The following NSUN7 variants were observed in gnomAD, a reference collection of about 807,000 sequenced individuals.
NSUN7 encodes NOP2/Sun RNA methyltransferase family member 7, also known as protein NSUN7.
In NSUN7, 39 loss-of-function variants were observed where a neutral mutation model predicts 58.5. That is an observed-to-expected ratio of 0.67 (90% CI 0.52 to 0.87). The LOEUF (loss-of-function observed/expected upper bound fraction) is 0.87. Ranked by LOEUF, NSUN7 falls within the 40% of genes least tolerant of loss-of-function variation. The probability of loss-of-function intolerance (pLI) is 0.00; values close to 1 mark genes in which losing one functional copy is unlikely to be tolerated. For missense variants in NSUN7, 765 were observed against 844.1 expected, an observed-to-expected ratio of 0.91 and a Z score of 1.16; for synonymous variants, 278 against 303.7, an observed-to-expected ratio of 0.92 and a Z score of 0.88.
chr4:40,786,301 G>A, intron 7 of NSUN7: 1 of 1,612,942 alleles, frequency 6.2e-7, no homozygotes. Flanking sequence ...GGTAACCTTG[G>A]GAAATTCTAA....
chr4:40,768,186 G>T (rs1384768001), intron 4 of NSUN7, among the ~76,000 whole-genome samples: 1 of 151,040 alleles, frequency 6.6e-6, no homozygotes, highest in East Asian at 1.9e-4. Flanking sequence ...AGAGGATAAA[G>T]ACTAATTCTT....
At chr4:40,761,347 G>A in intron 4 of NSUN7, 46 bp downstream of exon 4, 3 of 1,482,364 alleles carry the variant, frequency 2.0e-6, no homozygotes, top group Non-Finnish European at 2.8e-6. Flanking sequence ...ACCTACATTG[G>A]TATTGTTATT....
chr4:40,797,911 C>T (rs1743392861), intron 9 of NSUN7, among the ~76,000 whole-genome samples: 1 of 152,218 alleles, frequency 6.6e-6, no homozygotes, highest in Non-Finnish European at 1.5e-5. Flanking sequence ...GGCCCCTTCA[C>T]TTTCCTGGAA....
intron 9 of NSUN7, among the ~76,000 whole-genome samples, chr4:40,795,078 G>GTA (rs1349865099): frequency 2.0e-5 from 3 of 152,100 alleles, no homozygotes; most frequent in African/African-American, 7.2e-5. Flanking sequence ...TATTAATTCC[G>GTA]TATATATTTA....
At chr4:40,752,344 A>G (rs1740875677) in intron 2 of NSUN7, among the ~76,000 whole-genome samples, 1 of 152,200 alleles carries the variant, frequency 6.6e-6, no homozygotes. Context: ...TTGGAGGTGG[A>G]GGTGGGACGA....
At chr4:40,760,692 G>T (rs57108134) in intron 3 of NSUN7, among the ~76,000 whole-genome samples, 200 bp downstream of exon 3, 5,111 of 151,748 alleles carry the variant, frequency 0.034, 286 homozygotes, top group African/African-American at 0.12. Context: ...GAGAAACCTG[G>T]CTCTACTAAA....
chr4:40,772,073 C>A lies in NSUN7; in HGVS notation c.489-2192C>A, dbSNP rs530515655. Among the ~76,000 whole-genome samples the A allele has an allele frequency of 2.2e-4, 34 of 152,214 alleles. No homozygotes were observed. In the South Asian group the frequency reaches 7.0e-3, roughly 32 times the overall value. ...TAATATAGTATCTTTACATAAAAAT[C>A]TGTATAACTGCATGTACACTTTATT... On this transcript the variant is annotated intron_variant, in intron 4 of 11. Coordinates refer to ENST00000381782, the MANE Select transcript of NSUN7 (RefSeq NM_024677.6).
chr4:40,760,634 G>T (rs549925262), intron 3 of NSUN7, 142 bp downstream of exon 3: 3 of 588,930 alleles, frequency 5.1e-6, no homozygotes, highest in Non-Finnish European at 8.5e-6. Flanking sequence ...AGGCCAAGGC[G>T]GGCGGATCAT....
intron 7 of NSUN7, among the ~76,000 whole-genome samples, chr4:40,789,374 A>G (rs969653947): frequency 1.3e-4 from 20 of 152,212 alleles, no homozygotes; most frequent in African/African-American, 4.6e-4. Context: ...GTTGCCATGT[A>G]TGTACCTTAT....
intron 4 of NSUN7, chr4:40,772,935 G>C (rs1228989752): frequency 6.6e-6 from 1 of 152,174 alleles, no homozygotes. Flanking sequence ...ATATGGGTCA[G>C]GAATAAGTCC....
chr4:40,783,408 A>G (rs1188585161), intron 7 of NSUN7, among the ~76,000 whole-genome samples: 1 of 152,240 alleles, frequency 6.6e-6, no homozygotes, highest in Non-Finnish European at 1.5e-5. Flanking sequence ...AAACTCTTAT[A>G]AGAAAACACA....
At chr4:40,783,109 T>C (rs1742654807) in intron 7 of NSUN7, among the ~76,000 whole-genome samples, 1 of 152,212 alleles carries the variant, frequency 6.6e-6, no homozygotes. Flanking sequence ...CATTTCCTGA[T>C]TTAAAAGCTT....
chr4:40,793,825 A>G (rs952811924), intron 8 of NSUN7, among the ~76,000 whole-genome samples: 1 of 152,230 alleles, frequency 6.6e-6, no homozygotes, highest in African/African-American at 2.4e-5. Context: ...ATCTTCATTA[A>G]TATTGTCAAT....
chr4:40,766,315 C>T (rs1316197516), intron 4 of NSUN7, among the ~76,000 whole-genome samples: 1 of 151,652 alleles, frequency 6.6e-6, no homozygotes, highest in East Asian at 1.9e-4. Flanking sequence ...TTGTGAAAGG[C>T]CTTTTCTGCA....
intron 4 of NSUN7, among the ~76,000 whole-genome samples, chr4:40,761,618 A>G (rs1741466912): frequency 6.6e-6 from 1 of 152,200 alleles, no homozygotes. Flanking sequence ...AGTTCACTTT[A>G]TTTATAGCTT....
In NSUN7 at chr4:40,750,888, A is replaced by G. The variant is rs1402517594; in HGVS notation, c.195A>G (p.Lys65=). The change falls in exon 2 of 12, where the codon AAA becomes AAG. Residue 65 remains lysine, a synonymous_variant. Coordinates refer to ENST00000381782, the MANE Select transcript of NSUN7 (RefSeq NM_024677.6). ...TTCGAATCGAAAAGTCGGCACAGAA[A>G]GTCTTAATCAAGTATGGGAATGAAC... ...QGIRIEKSAQ[K]VLIKYGNEPL... 6.2e-7 allele frequency: 1 copy of G among 1,614,218 alleles called. No individual in the cohort carries two copies. The highest frequency in any genetic ancestry group is 1.3e-5 in the African/African-American group (1 of 75,054).
chr4:40,806,412 T>G (rs1018892260), intron 10 of NSUN7, among the ~76,000 whole-genome samples: 7 of 152,192 alleles, frequency 4.6e-5, no homozygotes, highest in African/African-American at 1.7e-4. Flanking sequence ...ATAGAATCAT[T>G]TATTATTCAT....
intron 4 of NSUN7, among the ~76,000 whole-genome samples, chr4:40,761,898 A>G (rs1408236248): frequency 6.6e-6 from 1 of 152,200 alleles, no homozygotes; most frequent in African/African-American, 2.4e-5. Context: ...TGGTCAGTAA[A>G]TGTTAAGTGT....
chr4:40,767,945 C>T (rs1741813520), intron 4 of NSUN7, among the ~76,000 whole-genome samples: 2 of 152,200 alleles, frequency 1.3e-5, no homozygotes, highest in African/African-American at 4.8e-5. Context: ...CTGAGACTAA[C>T]TTATTATCTT....
Sources: allele counts gnomAD v4.1 joint callset (sites outside exome capture counted in the v4.1 genomes callset), GRCh38; gene constraint gnomAD v4.1.1; transcripts MANE v1.5; gene names NCBI Gene and HGNC (gene_info 2026-07-23, HGNC 2026-07-21).